NFIB: variants seen among roughly 807,000 people sequenced by gnomAD.
NFIB encodes nuclear factor 1 B-type.
Under a neutral mutation model 61.5 loss-of-function variants are expected in NFIB, and 11 were observed. The observed-to-expected ratio is 0.18, with a 90% confidence interval of 0.11 to 0.30. The LOEUF is 0.30. NFIB is among the 10% of genes least tolerant of loss of function. The pLI is 1.00. For synonymous variants in NFIB, 260 were observed against 216.5 expected (o/e 1.20, Z -1.76); for missense variants, 471 against 608.9 (o/e 0.77, Z 2.38).
chr9:14,169,558 C>G (rs12376024), intron 3 of NFIB, among the ~76,000 whole-genome samples: 1 of 152,046 alleles, frequency 6.6e-6, no homozygotes, highest in Admixed American at 6.6e-5. Flanking sequence ...TGGTGGTTCA[C>G]GCCTGTAATC....
chr9:14,187,021 GTGTGTA>G (rs1226058738), intron 2 of NFIB, among the ~76,000 whole-genome samples: 386 of 11,554 alleles, frequency 0.033, 6 homozygotes, highest in Middle Eastern at 0.083. Context: ...GTGTGTGTGT[GTGTGTA>G]TGTGTGTGTG....
At chr9:14,407,723 G>T in the NFIB span, among the ~76,000 whole-genome samples, 1 of 152,036 alleles carries the variant, frequency 6.6e-6, no homozygotes, top group African/African-American at 2.4e-5. Flanking sequence ...ATCTTGCTTT[G>T]TTGCCCAGGC....
At chr9:14,264,643 CCTA>C (rs1413186636) in intron 2 of NFIB, among the ~76,000 whole-genome samples, 1 of 152,128 alleles carries the variant, frequency 6.6e-6, no homozygotes, top group Non-Finnish European at 1.5e-5. Flanking sequence ...CTATATGTCC[CCTA>C]CAATATTAAG....
At chr9:14,273,820 C>A (rs1426049174) in intron 2 of NFIB, among the ~76,000 whole-genome samples, 1 of 152,178 alleles carries the variant, frequency 6.6e-6, no homozygotes, top group Non-Finnish European at 1.5e-5. Context: ...GTTCACGTTT[C>A]CTGAAGCTGA....
chr9:14,423,298 T>C, the NFIB span, among the ~76,000 whole-genome samples: 340 of 152,342 alleles, frequency 2.2e-3, 3 homozygotes, highest in African/African-American at 7.8e-3. Context: ...CTGATTCTTC[T>C]GGGACCCCAG....
At chr9:14,518,352 G>A in the NFIB span, among the ~76,000 whole-genome samples, 1 of 152,186 alleles carries the variant, frequency 6.6e-6, no homozygotes, top group African/African-American at 2.4e-5. Context: ...TGAGAACTGA[G>A]CTTCTTTTCC....
chr9:14,242,483 T>A (rs976488460), intron 2 of NFIB, among the ~76,000 whole-genome samples: 8 of 152,190 alleles, frequency 5.3e-5, no homozygotes, highest in Admixed American at 3.9e-4. Flanking sequence ...ACATCAGAGA[T>A]GTCACTGAAG....
intron 2 of NFIB, among the ~76,000 whole-genome samples, chr9:14,280,704 C>T (rs2058315308): frequency 6.6e-6 from 1 of 152,098 alleles, no homozygotes; most frequent in East Asian, 1.9e-4. Flanking sequence ...AGTGTGGGTG[C>T]ATAGGAGGTG....
the NFIB span, among the ~76,000 whole-genome samples, chr9:14,509,876 CT>C: frequency 1.3e-5 from 2 of 152,080 alleles, no homozygotes; most frequent in African/African-American, 4.8e-5. Context: ...TTTATGAAGA[CT>C]CATTTTATTT....
At position 14,120,566 on chromosome 9, in the gene NFIB, G is replaced by C; in HGVS notation, c.1119C>G (p.Ile373Met). Residue 373 changes from isoleucine (I) to methionine (M), a missense_variant, in exon 8 of 11, where the codon ATC (isoleucine) becomes ATG (methionine). Coordinates refer to ENST00000380953, the MANE Select transcript of NFIB (RefSeq NM_001190737.2). This position sits in a 1 kb window ranked among gnomAD's most constrained non-coding sequence, Gnocchi z 4.4. ...PSPLPFPTQA[I>M]LPPAPSSYFS... The stretch of plus-strand genomic sequence containing the variant: ...AGTAGCTCGATGGGGCTGGAGGAAG[G>C]ATAGCTTGTGTTGGAAATGGCAACG... 6.2e-7 allele frequency: 1 copy of C among 1,613,832 alleles called. No individual in the cohort carries two copies.
intron 7 of NFIB, among the ~76,000 whole-genome samples, chr9:14,123,173 C>G (rs186419695): frequency 1.6e-3 from 242 of 151,338 alleles, no homozygotes; most frequent in African/African-American, 5.3e-3. Context: ...AGGAGAATTG[C>G]TTGAACCTGG....
At chr9:14,144,533 T>C (rs893527199) in intron 6 of NFIB, among the ~76,000 whole-genome samples, 4 of 152,206 alleles carry the variant, frequency 2.6e-5, no homozygotes, top group African/African-American at 4.8e-5. Flanking sequence ...GTTCTGCCTA[T>C]CAATGGTTCA....
chr9:14,306,092 T>A (rs2060002489), intron 2 of NFIB: 1 of 554,372 alleles, frequency 1.8e-6, no homozygotes, highest in Non-Finnish European at 2.8e-6. Context: ...AGTAATAACA[T>A]CATCTTTTTT....
At chr9:14,322,190 C>T (rs752628957) in intron 1 of NFIB, 4 of 1,093,834 alleles carry the variant, frequency 3.7e-6, no homozygotes, top group Non-Finnish European at 4.6e-6. Flanking sequence ...CGGTCAAAGT[C>T]AAGTCTAAAA....
At chr9:14,514,319 T>TACACACACACAC in the NFIB span, among the ~76,000 whole-genome samples, 2 of 52,672 alleles carry the variant, frequency 3.8e-5, no homozygotes, top group African/African-American at 6.4e-5. Flanking sequence ...TACACATACA[T>TACACACACACAC]ACATACATAC....
chr9:14,469,376 A>G, the NFIB span, among the ~76,000 whole-genome samples: 2 of 152,120 alleles, frequency 1.3e-5, no homozygotes, highest in African/African-American at 2.4e-5. Flanking sequence ...TGATGTATAG[A>G]GCTCTTCCCT....
chr9:14,425,079 G>A, the NFIB span, among the ~76,000 whole-genome samples: 1 of 152,188 alleles, frequency 6.6e-6, no homozygotes, highest in African/African-American at 2.4e-5. Context: ...TTTAGCCGCT[G>A]GCATGGACAG....
rs1054488686 is a variant in NFIB at position 14,370,771 on chromosome 9, C to T, written c.108+27753G>A. ...TAGGGCTTTTTTGACCCCTGCTCTT[C>T]TGGAAATGCTATCAATTTCTTTGTT... is the stretch of plus-strand genomic sequence containing the variant. On this transcript the variant is annotated intron_variant, in intron 1 of 8. Transcript: ENST00000380934. 2.0e-4 allele frequency among the ~76,000 whole-genome samples: 30 copies of T among 152,318 alleles called. 1 individual carries two copies. Among genetic ancestry groups the T allele is most frequent in the African/African-American group, 6.7e-4 (28 of 41,570 alleles).
Position 14,087,011 on chromosome 9 carries a change from A to G in NFIB, c.*1298T>C, listed in dbSNP as rs911806880. On this transcript the variant is annotated 3_prime_UTR_variant, in exon 11 of 11. Transcript: ENST00000380953. The stretch of plus-strand genomic sequence containing the variant: ...CATGCAAGTTTTCAGCACCCTGATT[A>G]CATTTGTTTTCTCAAGAGTGCGTTT... The G allele has an allele frequency of 4.9e-6, 1 of 204,436 alleles. No individual in the cohort carries two copies. The highest frequency in any genetic ancestry group is 7.5e-5 in the East Asian group (1 of 13,346). 12.7% of individuals were successfully genotyped at this position (204,436 alleles called of 1,614,324 possible).
Sources: allele counts gnomAD v4.1 joint callset (sites outside exome capture counted in the v4.1 genomes callset), GRCh38; gene constraint gnomAD v4.1.1; non-coding constraint Gnocchi (gnomAD v3.1); transcripts MANE v1.5; gene names NCBI Gene and HGNC (gene_info 2026-07-23, HGNC 2026-07-21).